Variants in ZFYVE9 observed in about 807,000 individuals in gnomAD.
ZFYVE9 encodes the protein zinc finger FYVE-type containing 9.
In ZFYVE9, 43 loss-of-function variants were observed where a neutral mutation model predicts 126.7. The observed-to-expected ratio is 0.34, with a 90% CI of 0.27 to 0.44. The LOEUF is 0.44. Among genes scored for constraint, ZFYVE9 ranks in the 20% least tolerant of loss-of-function variants. ZFYVE9 has a pLI of 1.00. For synonymous variants in ZFYVE9, 521 were observed against 597.4 expected, an observed-to-expected ratio of 0.87 and a Z score of 1.87; for missense variants, 1,476 against 1,697.0, an observed-to-expected ratio of 0.87 and a Z score of 2.29.
At chr1:52,248,109 A>T (rs982637161) in intron 4 of ZFYVE9, among the ~76,000 whole-genome samples, 6 of 152,164 alleles carry the variant, frequency 3.9e-5, no homozygotes, top group Non-Finnish European at 8.8e-5. Context: ...GAATTCCCAC[A>T]ATAATCTATT....
intron 1 of ZFYVE9, among the ~76,000 whole-genome samples, chr1:52,210,157 A>T (rs569057888): frequency 1.4e-3 from 206 of 152,274 alleles, no homozygotes; most frequent in Middle Eastern, 6.8e-3. Context: ...TTCTGAGTTT[A>T]TGAGACAAGT....
At chr1:52,179,934 GA>G in intron 1 of ZFYVE9, 1 of 1,055,056 alleles carries the variant, frequency 9.5e-7, no homozygotes, top group Non-Finnish European at 1.5e-6. Flanking sequence ...AGAGGAGGCA[GA>G]AGATGAGCAG....
chr1:52,275,972 G>T (rs949729675), intron 8 of ZFYVE9, among the ~76,000 whole-genome samples: 6 of 140,958 alleles, frequency 4.3e-5, no homozygotes, highest in Non-Finnish European at 9.0e-5. Flanking sequence ...CAGTGGTACA[G>T]CCTCAGCTCA....
intron 16 of ZFYVE9, among the ~76,000 whole-genome samples, chr1:52,339,511 G>C (rs575442074): frequency 6.6e-6 from 1 of 152,032 alleles, no homozygotes; most frequent in Non-Finnish European, 1.5e-5. Context: ...TGCTGGTCTC[G>C]AACTCCTGAG....
chr1:52,309,566 G>A lies in ZFYVE9; in HGVS notation c.3438+5641G>A, dbSNP rs59566615. The stretch of plus-strand genomic sequence containing the variant: ...CTGCCTACACAAAGGAAGGGAAGGA[G>A]CATAGCTCATAGGGAAATGGGAGAC... On this transcript the variant is annotated intron_variant, in intron 13 of 18. Transcript: ENST00000287727. Among the ~76,000 whole-genome samples the A allele has an allele frequency of 2.1e-3, 325 of 152,312 alleles. 7 individuals are homozygous for A. In the South Asian group the frequency reaches 0.033, roughly 16 times the overall value.
intron 1 of ZFYVE9, among the ~76,000 whole-genome samples, chr1:52,207,863 G>C (rs1644992160): frequency 6.6e-6 from 1 of 152,164 alleles, no homozygotes; most frequent in South Asian, 2.1e-4. Flanking sequence ...AATAATAATA[G>C]CTATCATTTA....
chr1:52,311,516 C>T (rs1646136796), intron 13 of ZFYVE9, among the ~76,000 whole-genome samples: 1 of 152,094 alleles, frequency 6.6e-6, no homozygotes, highest in Non-Finnish European at 1.5e-5. Flanking sequence ...CTGTCCGCCT[C>T]AGCCTCCCAA....
chr1:52,182,465 C>T (rs1482090361), intron 1 of ZFYVE9, among the ~76,000 whole-genome samples: 3 of 152,248 alleles, frequency 2.0e-5, no homozygotes, highest in African/African-American at 4.8e-5. Flanking sequence ...ACCCTGTGCT[C>T]TCTGAAACAT....
Position 52,238,302 on chromosome 1 carries a change from C to A in ZFYVE9, c.885C>A (p.Gly295=), listed in dbSNP as rs781504558. 2 of 1,613,802 alleles carry A rather than the reference C, an allele frequency of 1.2e-6. No individual in the cohort carries two copies. Among genetic ancestry groups the A allele is most frequent in the Non-Finnish European group, 1.7e-6 (2 of 1,179,958 alleles). Residue 295 remains glycine (G), a synonymous_variant, in exon 4 of 19, where the codon GGC becomes GGA. Coordinates refer to ENST00000287727, the MANE Select transcript of ZFYVE9 (RefSeq NM_004799.4). ...ENYIPDEDLT[G]KISSPRTDLG... ...ATATACCAGATGAGGACCTCACTGG[C>A]AAAATCAGCTCTCCTAGGACAGATC...
chr1:52,223,382 C>G (rs941574297), intron 2 of ZFYVE9, among the ~76,000 whole-genome samples: 2 of 152,160 alleles, frequency 1.3e-5, no homozygotes, highest in African/African-American at 2.4e-5. Flanking sequence ...CTCCTGGGCT[C>G]CCTGTTGAAG....
At chr1:52,161,118 A>G (rs904919220) in intron 1 of ZFYVE9, among the ~76,000 whole-genome samples, 4 of 152,198 alleles carry the variant, frequency 2.6e-5, no homozygotes, top group Admixed American at 6.5e-5. Context: ...ATTCTATACT[A>G]TATGATAACC....
At chr1:52,327,811 T>C (rs940006152) in intron 13 of ZFYVE9, among the ~76,000 whole-genome samples, 1 of 151,152 alleles carries the variant, frequency 6.6e-6, no homozygotes, top group African/African-American at 2.4e-5. Context: ...CCGTCTCTAC[T>C]AAAAATACAA....
chr1:52,150,985 T>A (rs970404575), intron 1 of ZFYVE9, among the ~76,000 whole-genome samples: 3 of 150,302 alleles, frequency 2.0e-5, no homozygotes, highest in African/African-American at 7.4e-5. Context: ...CTGGTGATAA[T>A]TGTCTTTTTT....
chr1:52,195,424 C>A (rs1305891458), intron 1 of ZFYVE9, among the ~76,000 whole-genome samples: 1 of 152,184 alleles, frequency 6.6e-6, no homozygotes, highest in Non-Finnish European at 1.5e-5. Context: ...ATTATCCATT[C>A]AACAAATATT....
intron 1 of ZFYVE9, among the ~76,000 whole-genome samples, chr1:52,186,889 A>G (rs1210258879): frequency 1.3e-5 from 2 of 152,224 alleles, no homozygotes; most frequent in African/African-American, 4.8e-5. Context: ...AAATGGCCAT[A>G]CTGTCCAAAG....
At chr1:52,166,060 A>G (rs558261583) in intron 1 of ZFYVE9, among the ~76,000 whole-genome samples, 22 of 152,298 alleles carry the variant, frequency 1.4e-4, no homozygotes, top group African/African-American at 5.3e-4. Flanking sequence ...TGCCTTCTTC[A>G]TATTTCCATT....
intron 1 of ZFYVE9, among the ~76,000 whole-genome samples, chr1:52,167,664 A>G (rs1479885943): frequency 6.6e-6 from 1 of 152,196 alleles, no homozygotes; most frequent in African/African-American, 2.4e-5. Context: ...GAAAGCACAT[A>G]CAAATCATCA....
chr1:52,319,811 G>A (rs1232528851), intron 13 of ZFYVE9, among the ~76,000 whole-genome samples: 4 of 151,286 alleles, frequency 2.6e-5, no homozygotes, highest in South Asian at 2.1e-4. Flanking sequence ...TCAGGAGATC[G>A]AGACCATCCT....
At chr1:52,233,432 G>A (rs1471191674) in intron 3 of ZFYVE9, among the ~76,000 whole-genome samples, 156 bp downstream of exon 3, 2 of 152,112 alleles carry the variant, frequency 1.3e-5, no homozygotes, top group Non-Finnish European at 2.9e-5. Context: ...ACATTTTTTA[G>A]CACTAAATGC....
Sources: gnomAD v4.1 joint callset for allele counts (sites outside exome capture counted in the v4.1 genomes callset) on GRCh38, gnomAD v4.1.1 for gene constraint, MANE v1.5 for transcripts, NCBI Gene and HGNC (gene_info 2026-07-23, HGNC 2026-07-21) for gene names.